SP140L: variants seen among roughly 807,000 people sequenced by gnomAD.
SP140L encodes the protein SP140 like nuclear body protein, also known as nuclear body protein SP140-like protein.
A neutral mutation model predicts 84.3 loss-of-function variants in SP140L; 64 were observed. That is an observed-to-expected ratio of 0.76 (90% CI 0.62 to 0.94). SP140L has a LOEUF of 0.94. Ranked by LOEUF, SP140L falls within the 40% of genes least tolerant of loss-of-function variation. SP140L has a pLI of 0.00. For missense variants in SP140L, 628 were observed against 692.5 expected (o/e 0.91, Z 1.05); for synonymous variants, 242 against 236.9 (o/e 1.02, Z -0.20).
intron 2 of SP140L, among the ~76,000 whole-genome samples, chr2:230,356,839 A>T (rs538723936): frequency 1.3e-5 from 2 of 152,198 alleles, no homozygotes; most frequent in East Asian, 3.9e-4. Flanking sequence ...GTCCTCCACC[A>T]TTCTCTTTGT....
chr2:230,378,084 G>A (rs1207265157), intron 7 of SP140L, among the ~76,000 whole-genome samples: 1 of 152,058 alleles, frequency 6.6e-6, no homozygotes, highest in Non-Finnish European at 1.5e-5. Flanking sequence ...TTTCTGCATT[G>A]AATTAGTTAC....
At position 230,371,612 on chromosome 2, in the gene SP140L, G is replaced by GCAAA. The variant is rs1397822209; in HGVS notation, c.602_605dup (p.Asn202LysfsTer35). On this transcript the variant is annotated frameshift_variant, in exon 7 of 19. Coordinates refer to ENST00000415673, the MANE Select transcript of SP140L (RefSeq NM_138402.6). LOFTEE classifies it high-confidence loss of function. ...TTATTTTCTAGATACTGTGGATATT[G>GCAAA]CAAACAACTCTACTTTGGGAAAACC... is the stretch of plus-strand genomic sequence containing the variant. 6.2e-7 allele frequency: 1 copy of GCAAA among 1,605,278 alleles called. No homozygotes were observed. The highest frequency in any genetic ancestry group is 8.5e-7 in the Non-Finnish European group (1 of 1,174,484).
At chr2:230,362,774 T>C (rs1405906599) in intron 5 of SP140L, among the ~76,000 whole-genome samples, 4 of 152,112 alleles carry the variant, frequency 2.6e-5, no homozygotes, top group East Asian at 3.8e-4. Context: ...AGAACCCCCC[T>C]AGGCATTCTA....
chr2:230,354,903 A>AAAG (rs2060491296), intron 2 of SP140L, among the ~76,000 whole-genome samples: 1 of 144,652 alleles, frequency 6.9e-6, no homozygotes, highest in African/African-American at 2.5e-5. Flanking sequence ...GAAAGGAAAG[A>AAAG]GAAAGAAGAA....
chr2:230,376,290 T>C (rs564324964), intron 7 of SP140L, among the ~76,000 whole-genome samples: 1 of 152,260 alleles, frequency 6.6e-6, no homozygotes, highest in South Asian at 2.1e-4. Flanking sequence ...GTCATCCAAA[T>C]TGGAAAGAAG....
chr2:230,380,350 A>G (rs1424811884), intron 7 of SP140L, among the ~76,000 whole-genome samples: 1 of 152,206 alleles, frequency 6.6e-6, no homozygotes, highest in Non-Finnish European at 1.5e-5. Flanking sequence ...TTGAGTAGGG[A>G]CACAGACAAA....
chr2:230,370,778 G>A lies in SP140L; in HGVS notation c.524-130G>A, dbSNP rs573716453. ...TTTCGGAGGAAAAAGTAGAGAAGAG[G>A]GCAGCAACCAGGGTGCAGAAAAGAG... On this transcript the variant is annotated intron_variant, in intron 5 of 18. Coordinates refer to ENST00000415673, the MANE Select transcript of SP140L (RefSeq NM_138402.6). 18 of 747,092 alleles carry A rather than the reference G, an allele frequency of 2.4e-5. No homozygotes were observed. In the African/African-American group the frequency reaches 3.1e-4, roughly 13 times the overall value. 46.3% of individuals were successfully genotyped at this position (747,092 alleles called of 1,614,324 possible). A position where few individuals can be genotyped will look rare whatever the true frequency, so the allele number is the denominator to read the frequency against.
chr2:230,397,488 TGATCCCCTGG>T (rs1397360622), intron 14 of SP140L, among the ~76,000 whole-genome samples: 1 of 152,200 alleles, frequency 6.6e-6, no homozygotes, highest in Non-Finnish European at 1.5e-5. Context: ...GCAAACTTTC[TGATCCCCTGG>T]GCCCCATCCA....
At chr2:230,388,997 C>G (rs1013866261) in intron 10 of SP140L, among the ~76,000 whole-genome samples, 6 of 152,214 alleles carry the variant, frequency 3.9e-5, no homozygotes, top group African/African-American at 1.4e-4. Context: ...AAGGTTGAAC[C>G]AGAGTTGTGG....
intron 7 of SP140L, among the ~76,000 whole-genome samples, chr2:230,378,893 G>T (rs1400873393): frequency 2.6e-5 from 4 of 152,076 alleles, no homozygotes; most frequent in Non-Finnish European, 4.4e-5. Flanking sequence ...TCTCACACAA[G>T]GTTGTATATT....
At chr2:230,396,632 C>T in intron 13 of SP140L, 125 bp from the exon 14 acceptor site, 1 of 1,168,690 alleles carries the variant, frequency 8.6e-7, no homozygotes, top group Non-Finnish European at 1.2e-6. Context: ...CCTTCATCTC[C>T]TCCCAATTAT....
intron 4 of SP140L, among the ~76,000 whole-genome samples, chr2:230,360,980 C>T (rs2060696926): frequency 1.3e-5 from 2 of 152,190 alleles, no homozygotes; most frequent in Non-Finnish European, 2.9e-5. Flanking sequence ...GGGTCTCACT[C>T]TGTTGCCCAG....
intron 8 of SP140L, among the ~76,000 whole-genome samples, chr2:230,384,918 A>G (rs2149796255): frequency 6.6e-6 from 1 of 152,324 alleles, no homozygotes; most frequent in East Asian, 1.9e-4. Flanking sequence ...TCTTTAAAAA[A>G]CAAAACAAAC....
chr2:230,329,947 T>A (rs2059682017), intron 2 of SP140L, among the ~76,000 whole-genome samples: 1 of 152,208 alleles, frequency 6.6e-6, no homozygotes, highest in African/African-American at 2.4e-5. Flanking sequence ...TCATTTCTCG[T>A]TCAATCTTCA....
chr2:230,354,107 C>T (rs1240190029), intron 2 of SP140L, among the ~76,000 whole-genome samples: 3 of 152,102 alleles, frequency 2.0e-5, no homozygotes, highest in African/African-American at 7.2e-5. Flanking sequence ...CCCCATTTCC[C>T]ATAATATTTC....
chr2:230,379,821 T>C (rs2061351570), intron 7 of SP140L, among the ~76,000 whole-genome samples: 1 of 152,228 alleles, frequency 6.6e-6, no homozygotes. Context: ...ATCATTCTTT[T>C]ATTGTAACTA....
intron 6 of SP140L, among the ~76,000 whole-genome samples, chr2:230,371,201 G>A (rs1325867291): frequency 6.6e-6 from 1 of 152,210 alleles, no homozygotes; most frequent in Non-Finnish European, 1.5e-5. Context: ...CTTTAAAGTG[G>A]CAGTTATCCT....
Position 230,391,021 on chromosome 2 carries a change from G to A in SP140L, c.964+998G>A, listed in dbSNP as rs2061780397. On this transcript the variant is annotated intron_variant, in intron 11 of 18. Transcript: ENST00000415673. Reference sequence around the variant, plus strand: ...TTTCATGACTGGCTGCTTTTAATCAGCATGATGTTTTCAAAGTTCATTCAT... The same window carrying A: ...TTTCATGACTGGCTGCTTTTAATCAACATGATGTTTTCAAAGTTCATTCAT... Among the ~76,000 whole-genome samples, 4 of 152,114 alleles carry A rather than the reference G, an allele frequency of 2.6e-5. No individual in the cohort carries two copies. In the South Asian group the frequency reaches 8.3e-4, roughly 32 times the overall value.
intron 2 of SP140L, among the ~76,000 whole-genome samples, chr2:230,348,352 A>T (rs1391479128): frequency 6.6e-6 from 1 of 152,248 alleles, no homozygotes; most frequent in Non-Finnish European, 1.5e-5. Flanking sequence ...TTTCATAGCA[A>T]TGTGTAAGGG....
Sources: allele counts gnomAD v4.1 joint callset (sites outside exome capture counted in the v4.1 genomes callset), GRCh38; gene constraint gnomAD v4.1.1; transcripts MANE v1.5; gene names NCBI Gene and HGNC (gene_info 2026-07-23, HGNC 2026-07-21).